RPS3A: variants seen among roughly 807,000 people sequenced by gnomAD.
RPS3A encodes the protein small ribosomal subunit protein eS1.
Under a neutral mutation model 26.4 loss-of-function variants are expected in RPS3A, and 1 was observed. The observed-to-expected ratio is 0.04, with a 90% confidence interval of 0.01 to 0.18. The LOEUF is 0.18. RPS3A is among the 10% of genes least tolerant of loss of function. The probability of loss-of-function intolerance (pLI) is 1.00; values close to 1 mark genes in which losing one functional copy is unlikely to be tolerated. For synonymous variants in RPS3A, 97 were observed against 106.1 expected (o/e 0.91, Z 0.53); for missense variants, 139 against 326.8 (o/e 0.43, Z 4.43).
chr4:151,100,933 A>G, intron 2 of RPS3A, 42 bp from the exon 3 acceptor site: 1 of 1,421,642 alleles, frequency 7.0e-7, no homozygotes, highest in Non-Finnish European at 9.6e-7. Flanking sequence ...CTTTGCTTAT[A>G]TGGTTCCTAA....
chr4:151,103,581 A>C, intron 4 of RPS3A: 3 of 1,049,810 alleles, frequency 2.9e-6, no homozygotes, highest in Non-Finnish European at 3.5e-6. Context: ...GTTGAAGGAC[A>C]GGAAATGTTT....
chr4:151,103,956 ACT>A (rs1747249992), intron 4 of RPS3A: 85 of 1,517,746 alleles, frequency 5.6e-5, no homozygotes, highest in Non-Finnish European at 4.1e-5. Flanking sequence ...GACTCAGAAG[ACT>A]CTACTAACTT....
At chr4:151,104,097 G>A (rs899730898) in intron 4 of RPS3A, 80 bp from the exon 5 acceptor site, 217 of 1,507,612 alleles carry the variant, frequency 1.4e-4, no homozygotes, top group Non-Finnish European at 1.9e-4. Context: ...TTATTCCAAG[G>A]CTTCTCTACT....
intron 1 of RPS3A, 144 bp downstream of exon 1, chr4:151,099,858 G>C: frequency 1.1e-6 from 1 of 872,652 alleles, no homozygotes; most frequent in South Asian, 1.4e-5. Flanking sequence ...CAGGAACGCG[G>C]CCTGGAGGGT....
At chr4:151,104,450 T>TTTTG in intron 5 of RPS3A, 22 bp from the exon 6 acceptor site, 2 of 1,397,996 alleles carry the variant, frequency 1.4e-6, no homozygotes, top group South Asian at 3.2e-5. Context: ...TTTTTTTTTT[T>TTTTG]TTTTTTTTTT....
intron 1 of RPS3A, 169 bp from the exon 2 acceptor site, chr4:151,100,316 A>G: frequency 1.7e-6 from 1 of 582,848 alleles, no homozygotes; most frequent in African/African-American, 1.9e-5. Flanking sequence ...TGAAACGTAC[A>G]GTGGGAAGAG....
Position 151,103,933 on chromosome 4 carries a change from A to C in RPS3A, c.564-244A>C, listed in dbSNP as rs139835933. Reference sequence around the variant, plus strand: ...TTAGCTAAGAGGGTGTAATGGAAAAAGCATAAGGCTTGGACTCAGAAGACT... The same window carrying C: ...TTAGCTAAGAGGGTGTAATGGAAAACGCATAAGGCTTGGACTCAGAAGACT... On this transcript the variant is annotated intron_variant, in intron 4 of 5. Transcript: ENST00000274065. 5.4e-3 allele frequency: 8,227 copies of C among 1,513,872 alleles called. 30 individuals are homozygous for C. The highest frequency in any genetic ancestry group is 0.021 in the Middle Eastern group (121 of 5,662). The allele number at this position is 1,513,872 out of a possible 1,614,324, so 93.8% of individuals were successfully genotyped here. A position where few individuals can be genotyped will look rare whatever the true frequency, so the allele number is the denominator to read the frequency against.
chr4:151,101,987 C>A (rs776769029), intron 3 of RPS3A: 3 of 489,920 alleles, frequency 6.1e-6, no homozygotes, highest in Non-Finnish European at 1.2e-5. Flanking sequence ...CCCGCCTCAG[C>A]CTCTCAAAGT....
chr4:151,101,108 C>G lies in RPS3A; in HGVS notation c.300C>G (p.Phe100Leu). Reference protein sequence around the residue: ...DVQGKNCLTNFHGMDLTRDKM... With the variant: ...DVQGKNCLTNLHGMDLTRDKM... ...AGGGTAAAAACTGCCTGACTAACTT[C>G]CATGGCATGGATCTTACCCGTGACA... The change falls in exon 3 of 6, where the codon TTC becomes TTG. Residue 100 changes from phenylalanine (F) to leucine (L), a missense_variant. Around this residue, in one of 3 missense-constraint regions of RPS3A, gnomAD observed 96 missense variants for 209.8 expected, o/e 0.46. Transcript: ENST00000274065. The G allele has an allele frequency of 6.2e-7, 1 of 1,607,998 alleles. No individual in the cohort carries two copies. The highest frequency in any genetic ancestry group is 8.5e-7 in the Non-Finnish European group (1 of 1,176,172).
At chr4:151,099,969 T>C in intron 1 of RPS3A, 1 of 665,338 alleles carries the variant, frequency 1.5e-6, no homozygotes, top group South Asian at 1.5e-5. Flanking sequence ...GCTGGAATGT[T>C]AGTTTTGTGG....
Position 151,104,446 on chromosome 4 carries a change from T to TTTG in RPS3A, c.674-24_674-23insGTT, listed in dbSNP as rs766552068. On this transcript the variant is annotated intron_variant, in intron 5 of 5. Transcript: ENST00000274065. Reference sequence around the variant, plus strand: ...TATACTAACAGTTTTTTGGTTTTTTTTTTTTTTTTTTTTTTTGCCTTTTAG... The same window carrying TTTG: ...TATACTAACAGTTTTTTGGTTTTTTTTTGTTTTTTTTTTTTTTTTGCCTTTTAG... The TTTG allele has an allele frequency of 3.8e-5, 52 of 1,366,370 alleles. No homozygotes were observed. In the Middle Eastern group the frequency reaches 1.6e-3, roughly 41 times the overall value. The allele number at this position is 1,366,370 out of a possible 1,614,324, so 84.6% of individuals were successfully genotyped here.
Position 151,102,858 on chromosome 4 carries a change from CT to C in RPS3A, c.355-7del. On this transcript the variant is annotated splice_polypyrimidine_tract_variant and intron_variant, in intron 3 of 5. Coordinates refer to ENST00000274065, the MANE Select transcript of RPS3A (RefSeq NM_001006.5). ...TAAAACCTGTTAAATCTGACGGTAT[CT>C]TTTTTCTCCAGACAATGATTGAAGC... 6.2e-7 allele frequency: 1 copy of C among 1,607,232 alleles called. No homozygotes were observed.
chr4:151,101,315 G>A (rs1281972673), intron 3 of RPS3A, among the ~76,000 whole-genome samples, 153 bp downstream of exon 3: 1 of 152,146 alleles, frequency 6.6e-6, no homozygotes, highest in Non-Finnish European at 1.5e-5. Flanking sequence ...TTTTCTTGCC[G>A]TTGTTGAGTG....
rs780832099 is a variant in RPS3A at position 151,102,909 on chromosome 4, T to C, written c.393T>C (p.Asp131=). The change falls in exon 4 of 6, where the codon GAT becomes GAC. Residue 131 remains aspartate (D), a synonymous_variant. Transcript: ENST00000274065. Reference sequence around the variant, plus strand: ...CTCACGTTGATGTCAAGACTACCGATGGTTACTTGCTTCGTCTGTTCTGTG... The same window carrying C: ...CTCACGTTGATGTCAAGACTACCGACGGTTACTTGCTTCGTCTGTTCTGTG... The part of the protein sequence containing the change: ...IEAHVDVKTT[D]GYLLRLFCVG... The C allele has an allele frequency of 1.1e-5, 17 of 1,611,838 alleles. No homozygotes were observed. Among genetic ancestry groups the C allele is most frequent in the Middle Eastern group, 1.7e-4 (1 of 5,806 alleles).
chr4:151,100,008 G>GT (rs1350973940), intron 1 of RPS3A: 2 of 627,218 alleles, frequency 3.2e-6, no homozygotes, highest in African/African-American at 3.6e-5. Context: ...TTCTGCGAGT[G>GT]TTTGATGGCA....
rs541888912 is a variant in RPS3A at position 151,100,274 on chromosome 4, G to A, written c.63-211G>A. On this transcript the variant is annotated intron_variant, in intron 1 of 5. Transcript: ENST00000274065. ...GGATGGACCGATGAGGGTGGGAAGT[G>A]GACATAACCTTTCAAAGTCTGATGC... Among the ~76,000 whole-genome samples, 13 of 152,258 alleles carry A rather than the reference G, an allele frequency of 8.5e-5. No individual in the cohort carries two copies. In the South Asian group the frequency reaches 2.5e-3, roughly 29 times the overall value.
At chr4:151,102,467 T>G (rs1006544979) in intron 3 of RPS3A, among the ~76,000 whole-genome samples, 2 of 53,224 alleles carry the variant, frequency 3.8e-5, no homozygotes, top group African/African-American at 7.3e-5. Context: ...AATGACATAA[T>G]CACTGTAGAT....
rs753204579 is a variant in RPS3A, at chr4:151,100,539, C to A, written c.117C>A (p.Phe39Leu). 6.2e-7 allele frequency: 1 copy of A among 1,608,232 alleles called. No individual in the cohort carries two copies. Among genetic ancestry groups the A allele is most frequent in the Non-Finnish European group, 8.5e-7 (1 of 1,174,626 alleles). Residue 39 changes from phenylalanine to leucine, a missense_variant, in exon 2 of 6, where the codon TTC (phenylalanine) becomes TTA (leucine). This residue lies in a region of RPS3A where 35 missense variants were observed against 60.1 expected (regional missense o/e 0.58). Coordinates refer to ENST00000274065, the MANE Select transcript of RPS3A (RefSeq NM_001006.5). The stretch of plus-strand genomic sequence containing the variant: ...ATGATGTGAAAGCACCTGCTATGTT[C>A]AATATAAGAAATATTGGAAAGACGC... ...DWYDVKAPAM[F>L]NIRNIGKTLV...
intron 3 of RPS3A, chr4:151,102,105 T>C (rs956931660): frequency 1.9e-6 from 1 of 517,432 alleles, no homozygotes; most frequent in Non-Finnish European, 3.9e-6. Context: ...ATACTGATTA[T>C]ACCATTATAT....
Sources: gnomAD v4.1 joint callset for allele counts (sites outside exome capture counted in the v4.1 genomes callset) on GRCh38, gnomAD v4.1.1 for gene constraint, gnomAD v4.1.1 regional missense constraint, MANE v1.5 for transcripts, NCBI Gene and HGNC (gene_info 2026-07-23, HGNC 2026-07-21) for gene names.